The following ZNF385D variants were observed in gnomAD, a reference collection of about 807,000 sequenced individuals.
ZNF385D encodes the protein zinc finger protein 659.
ZNF385D carries 15 observed loss-of-function variants against 35.8 expected under a neutral mutation model. The ratio of observed to expected loss-of-function variants is 0.42; its 90% CI spans 0.28 to 0.64. ZNF385D has a LOEUF of 0.64. ZNF385D is among the 30% of genes least tolerant of loss of function. The pLI, the probability that ZNF385D is intolerant of heterozygous loss-of-function variation, is 0.23. For missense variants in ZNF385D, 474 were observed against 494.6 expected, an observed-to-expected ratio of 0.96 and a Z score of 0.39; for synonymous variants, 212 against 186.8, an observed-to-expected ratio of 1.13 and a Z score of -1.10.
At chr3:21,753,818 T>A (rs548261190), upstream of ZNF385D, among the ~76,000 whole-genome samples, 1 of 152,086 alleles carries the variant, frequency 6.6e-6, no homozygotes, top group South Asian at 2.1e-4. Context: ...TATTTGCGTT[T>A]TGTACTTTGA....
intron 3 of ZNF385D, among the ~76,000 whole-genome samples, chr3:21,933,452 A>G (rs535143619): frequency 2.0e-5 from 3 of 152,226 alleles, no homozygotes; most frequent in South Asian, 2.1e-4. Flanking sequence ...TTAAGAAGAT[A>G]CTAATACACA....
Position 21,421,361 on chromosome 3 carries a change from TG to T in ZNF385D, c.1040del (p.Ala347GlufsTer5), listed in dbSNP as rs912227321. On this transcript the variant is annotated frameshift_variant, in exon 8 of 8. Transcript: ENST00000281523. LOFTEE classifies it high-confidence loss of function. Reference protein sequence around the residue: ...PNPLAAAAAAAAVAVSSPFSL... With the variant: ...PNPLAAAAAAXAVAVSSPFSL... The stretch of plus-strand genomic sequence containing the variant: ...TGAAGGGGGAACTCACTGCCACTGC[TG>T]CTGCGGCTGCTGCAGCTGCTAGAGG... The T allele has an allele frequency of 6.2e-7, 1 of 1,612,620 alleles. No homozygotes were observed. Among genetic ancestry groups the T allele is most frequent in the African/African-American group, 1.3e-5 (1 of 74,916 alleles).
chr3:21,489,871 G>C (rs1187936759), intron 4 of ZNF385D, among the ~76,000 whole-genome samples: 1 of 152,024 alleles, frequency 6.6e-6, no homozygotes, highest in African/African-American at 2.4e-5. Flanking sequence ...CCAATCTTCT[G>C]GTTATGGAGA....
intron 2 of ZNF385D, among the ~76,000 whole-genome samples, chr3:22,310,843 A>AT (rs554176123): frequency 7.9e-5 from 12 of 151,834 alleles, no homozygotes; most frequent in Admixed American, 5.9e-4. Context: ...CTCATTTTTA[A>AT]TTAACTTTTT....
intron 2 of ZNF385D, among the ~76,000 whole-genome samples, chr3:22,260,569 C>A (rs1174343511): frequency 6.6e-6 from 1 of 151,740 alleles, no homozygotes; most frequent in East Asian, 2.0e-4. Context: ...ATTTTGTAAT[C>A]TCTTATAGGA....
chr3:22,303,311 C>T (rs558252639), intron 2 of ZNF385D, among the ~76,000 whole-genome samples: 4 of 152,242 alleles, frequency 2.6e-5, no homozygotes, highest in African/African-American at 7.2e-5. Context: ...TGCACATAGG[C>T]TGGGTCTTGT....
At chr3:21,551,612 TTTGCC>T (rs2062571258) in intron 3 of ZNF385D, among the ~76,000 whole-genome samples, 1 of 152,178 alleles carries the variant, frequency 6.6e-6, no homozygotes, top group South Asian at 2.1e-4. Flanking sequence ...ACATTACTAA[TTTGCC>T]TAGGTCACAT....
chr3:21,689,601 C>A (rs539585315), intron 1 of ZNF385D, among the ~76,000 whole-genome samples: 1 of 152,144 alleles, frequency 6.6e-6, no homozygotes, highest in South Asian at 2.1e-4. Flanking sequence ...TCTTTGAAAA[C>A]CTGCTTGCTT....
intron 2 of ZNF385D, among the ~76,000 whole-genome samples, chr3:22,169,789 A>C (rs544139900): frequency 6.6e-6 from 1 of 152,290 alleles, no homozygotes; most frequent in South Asian, 2.1e-4. Flanking sequence ...CTCTGGCCTT[A>C]ATATGACATT....
In ZNF385D at chr3:21,986,533, T is replaced by C. The variant is rs1243818494; in HGVS notation, c.325+182284A>G. On this transcript the variant is annotated intron_variant, in intron 3 of 5. Transcript: ENST00000494108. ...TTTGATTGCACTGTGGTCTGAGAGATAGTTTGTTATAATTTCTGTTCTTTT... is the reference window on the plus strand; with the variant it reads ...TTTGATTGCACTGTGGTCTGAGAGACAGTTTGTTATAATTTCTGTTCTTTT... Among the ~76,000 whole-genome samples, 5 of 142,514 alleles carry C rather than the reference T, an allele frequency of 3.5e-5. No homozygotes were observed. In the East Asian group the frequency reaches 7.8e-4, roughly 22 times the overall value. 93.5% of individuals were successfully genotyped at this position (142,514 alleles called of 152,430 possible). A position where few individuals can be genotyped will look rare whatever the true frequency, so the allele number is the denominator to read the frequency against.
upstream of ZNF385D, among the ~76,000 whole-genome samples, chr3:21,753,909 C>T (rs1055421659): frequency 4.6e-5 from 7 of 152,068 alleles, no homozygotes; most frequent in African/African-American, 1.7e-4. Context: ...CCTTTTTACA[C>T]TCTACATATA....
intron 2 of ZNF385D, among the ~76,000 whole-genome samples, chr3:22,300,641 C>T (rs2125411214): frequency 6.6e-6 from 1 of 151,962 alleles, no homozygotes; most frequent in Non-Finnish European, 1.5e-5. Flanking sequence ...TAGAAATAGA[C>T]ATTTTTCTAA....
At chr3:22,295,883 T>TA (rs1249127077) in intron 2 of ZNF385D, among the ~76,000 whole-genome samples, 21 of 151,994 alleles carry the variant, frequency 1.4e-4, no homozygotes, top group African/African-American at 4.8e-4. Context: ...GATCAAGAAG[T>TA]ACAAAGGCTA....
At chr3:21,925,451 C>A (rs541062010) in intron 3 of ZNF385D, among the ~76,000 whole-genome samples, 5 of 152,244 alleles carry the variant, frequency 3.3e-5, no homozygotes, top group South Asian at 2.1e-4. Context: ...AAATCTAACA[C>A]CTTATACAAA....
intron 1 of ZNF385D, among the ~76,000 whole-genome samples, chr3:21,699,821 T>C (rs1335367403): frequency 6.7e-6 from 1 of 148,908 alleles, no homozygotes; most frequent in Non-Finnish European, 1.5e-5. Context: ...ATGTTTCTTT[T>C]CCTTTTTTTT....
At chr3:21,974,852 TC>T (rs1703492735) in intron 3 of ZNF385D, among the ~76,000 whole-genome samples, 1 of 152,070 alleles carries the variant, frequency 6.6e-6, no homozygotes, top group Admixed American at 6.5e-5. Flanking sequence ...GAAATGCAAA[TC>T]CCACCTACAC....
At chr3:21,738,277 G>C (rs914160377) in intron 1 of ZNF385D, among the ~76,000 whole-genome samples, 2 of 152,234 alleles carry the variant, frequency 1.3e-5, no homozygotes, top group African/African-American at 4.8e-5. Flanking sequence ...GAAAGGTGTG[G>C]TGAGGAGGTC....
chr3:21,871,553 A>T (rs1052514787), intron 3 of ZNF385D, among the ~76,000 whole-genome samples: 5 of 152,170 alleles, frequency 3.3e-5, no homozygotes, highest in Non-Finnish European at 5.9e-5. Flanking sequence ...CTGTTGAACA[A>T]ATCAATGTAT....
chr3:21,478,466 T>C (rs557792317), intron 4 of ZNF385D, among the ~76,000 whole-genome samples: 118 of 152,240 alleles, frequency 7.8e-4, no homozygotes, highest in African/African-American at 2.8e-3. Flanking sequence ...AAACAAGCAA[T>C]GCCCAGATAC....
Sources: allele counts gnomAD v4.1 joint callset (sites outside exome capture counted in the v4.1 genomes callset), GRCh38; gene constraint gnomAD v4.1.1; transcripts MANE v1.5; gene names NCBI Gene and HGNC (gene_info 2026-07-23, HGNC 2026-07-21).